Variants in SPOCK3 observed in about 807,000 individuals in gnomAD.
SPOCK3 encodes the protein SPARC (osteonectin), cwcv and kazal like domains proteoglycan 3, also known as testican-3.
In SPOCK3, 30 loss-of-function variants were observed where a neutral mutation model predicts 56.6. That is an observed-to-expected ratio of 0.53 (90% CI 0.40 to 0.72). The LOEUF (loss-of-function observed/expected upper bound fraction) is 0.72. Among genes scored for constraint, SPOCK3 ranks in the 30% least tolerant of loss-of-function variants. The probability of loss-of-function intolerance (pLI) is 0.00; values close to 1 mark genes in which losing one functional copy is unlikely to be tolerated. For synonymous variants in SPOCK3, 196 were observed against 183.3 expected (o/e 1.07, Z -0.56); for missense variants, 527 against 530.0 (o/e 0.99, Z 0.06).
intron 5 of SPOCK3, among the ~76,000 whole-genome samples, chr4:166,910,391 T>C (rs1244813324): frequency 2.6e-5 from 4 of 152,020 alleles, no homozygotes; most frequent in African/African-American, 4.8e-5. Flanking sequence ...GTTTTGTTGA[T>C]ACTACTAATA....
intron 4 of SPOCK3, among the ~76,000 whole-genome samples, chr4:166,965,752 C>G (rs1744667686): frequency 6.6e-6 from 1 of 152,036 alleles, no homozygotes; most frequent in South Asian, 2.1e-4. Flanking sequence ...TTCTCATATA[C>G]TTGCTGACTC....
chr4:166,821,968 G>GA (rs1465423580), intron 6 of SPOCK3, among the ~76,000 whole-genome samples: 4 of 151,904 alleles, frequency 2.6e-5, no homozygotes, highest in African/African-American at 4.8e-5. Flanking sequence ...TCAAATATGT[G>GA]AAAAAAATAT....
intron 2 of SPOCK3, among the ~76,000 whole-genome samples, chr4:167,114,439 A>G (rs1197358127): frequency 1.3e-5 from 2 of 152,152 alleles, no homozygotes; most frequent in Non-Finnish European, 2.9e-5. Flanking sequence ...CAGGGATCCT[A>G]AGACAGCCAA....
chr4:166,787,895 A>C (rs1740902744), intron 7 of SPOCK3, among the ~76,000 whole-genome samples: 2 of 152,140 alleles, frequency 1.3e-5, no homozygotes, highest in South Asian at 4.1e-4. Context: ...AAAAAACATA[A>C]ATTTGGCCAG....
At chr4:166,817,173 C>A (rs1174391730) in intron 6 of SPOCK3, among the ~76,000 whole-genome samples, 1 of 152,024 alleles carries the variant, frequency 6.6e-6, no homozygotes, top group Non-Finnish European at 1.5e-5. Flanking sequence ...GGCCAGATGA[C>A]ACAACAAGGA....
rs116523932 is a variant in SPOCK3, at chr4:167,010,467, C to A, written c.236-10004G>T. The stretch of plus-strand genomic sequence containing the variant: ...CCCAGGAAGTTGAGGCTGCAGTAAG[C>A]CAAGGTCACGCCACTGCACTACAGT... On this transcript the variant is annotated intron_variant, in intron 3 of 10. Coordinates refer to ENST00000357545, the MANE Select transcript of SPOCK3 (RefSeq NM_001040159.2). 7.7e-3 allele frequency among the ~76,000 whole-genome samples: 1,131 copies of A among 147,710 alleles called. 13 individuals are homozygous for A. The highest frequency in any genetic ancestry group is 0.027 in the African/African-American group (1,064 of 39,950).
At chr4:167,215,849 C>G (rs985499462) in intron 2 of SPOCK3, among the ~76,000 whole-genome samples, 2 of 152,114 alleles carry the variant, frequency 1.3e-5, no homozygotes, top group Non-Finnish European at 2.9e-5. Flanking sequence ...TGGCCTTCAG[C>G]CCTAAAGCCT....
intron 3 of SPOCK3, chr4:167,011,150 T>A: frequency 2.7e-6 from 1 of 367,944 alleles, no homozygotes; most frequent in Non-Finnish European, 5.5e-6. Context: ...TCTTAAGGGT[T>A]CTTGAGAGCT....
At chr4:166,871,069 C>G (rs1440975250) in intron 6 of SPOCK3, among the ~76,000 whole-genome samples, 2 of 152,044 alleles carry the variant, frequency 1.3e-5, no homozygotes, top group Admixed American at 6.6e-5. Context: ...TCAATTGAAC[C>G]TCTTTCTTGT....
intron 2 of SPOCK3, among the ~76,000 whole-genome samples, chr4:167,205,316 T>TTTATATCTATAATATATATTATATATTA (rs1734011827): frequency 2.7e-5 from 1 of 36,468 alleles, no homozygotes; most frequent in Non-Finnish European, 5.0e-5. Context: ...ATTATATATT[T>TTTATATCTATAATATATATTATATATTA]TATATATATA....
chr4:166,777,028 G>A (rs1284529130), intron 7 of SPOCK3, among the ~76,000 whole-genome samples: 2 of 152,146 alleles, frequency 1.3e-5, no homozygotes, highest in African/African-American at 2.4e-5. Context: ...ATTATTAAAT[G>A]CCAGGATTCT....
chr4:166,942,417 G>C (rs1741194897), intron 4 of SPOCK3, among the ~76,000 whole-genome samples: 1 of 150,220 alleles, frequency 6.7e-6, no homozygotes, highest in East Asian at 2.0e-4. Context: ...CATCGTGATG[G>C]CCAGGATGGT....
At chr4:166,753,367 A>G (rs1736667638) in intron 8 of SPOCK3, among the ~76,000 whole-genome samples, 1 of 152,026 alleles carries the variant, frequency 6.6e-6, no homozygotes, top group Non-Finnish European at 1.5e-5. Context: ...TTAACTTGAA[A>G]GCACATATGT....
chr4:166,946,219 T>C (rs1202813766), intron 4 of SPOCK3, among the ~76,000 whole-genome samples: 1 of 152,174 alleles, frequency 6.6e-6, no homozygotes, highest in Non-Finnish European at 1.5e-5. Flanking sequence ...CTTGATACAG[T>C]TGCCAGAGTA....
chr4:167,026,266 T>C (rs1751689087), intron 3 of SPOCK3, among the ~76,000 whole-genome samples: 1 of 152,100 alleles, frequency 6.6e-6, no homozygotes, highest in Non-Finnish European at 1.5e-5. Context: ...CTCCTCACTT[T>C]ATGTAATTCA....
intron 2 of SPOCK3, among the ~76,000 whole-genome samples, chr4:167,118,388 T>A (rs1206268412): frequency 6.6e-6 from 1 of 152,144 alleles, no homozygotes; most frequent in Non-Finnish European, 1.5e-5. Context: ...TTTCAAAGAA[T>A]GCCTACCTCT....
chr4:167,078,089 G>A (rs2150283042), intron 2 of SPOCK3, among the ~76,000 whole-genome samples: 1 of 151,956 alleles, frequency 6.6e-6, no homozygotes, highest in East Asian at 2.0e-4. Flanking sequence ...ACCTTCCTTA[G>A]TTTGACATGA....
At chr4:166,859,603 T>C (rs1008201480) in intron 6 of SPOCK3, among the ~76,000 whole-genome samples, 1 of 152,130 alleles carries the variant, frequency 6.6e-6, no homozygotes, top group Admixed American at 6.6e-5. Flanking sequence ...TATGCCAGTA[T>C]ATGAGCTTTC....
chr4:166,884,419 T>A (rs563571412), intron 6 of SPOCK3, among the ~76,000 whole-genome samples: 1 of 152,148 alleles, frequency 6.6e-6, no homozygotes, highest in South Asian at 2.1e-4. Context: ...TAAAGGATTG[T>A]ACTGATGAGT....
Sources: gnomAD v4.1 joint callset for allele counts (sites outside exome capture counted in the v4.1 genomes callset) on GRCh38, gnomAD v4.1.1 for gene constraint, MANE v1.5 for transcripts, NCBI Gene and HGNC (gene_info 2026-07-23, HGNC 2026-07-21) for gene names.